GPC5: variants seen among roughly 807,000 people sequenced by gnomAD.
The protein encoded by GPC5 is glypican-5.
Under a neutral mutation model 53.9 loss-of-function variants are expected in GPC5, and 47 were observed. That is an observed-to-expected ratio of 0.87 (90% confidence interval 0.69 to 1.11). GPC5 has a LOEUF of 1.11. GPC5 is among the 50% of genes most tolerant of loss of function. The pLI is 0.00. For synonymous variants in GPC5, 286 were observed against 263.3 expected (o/e 1.09, Z -0.84); for missense variants, 748 against 713.1 (o/e 1.05, Z -0.56).
At chr13:92,572,659 A>G (rs2139042722) in intron 7 of GPC5, among the ~76,000 whole-genome samples, 1 of 152,324 alleles carries the variant, frequency 6.6e-6, no homozygotes, top group African/African-American at 2.4e-5. Context: ...ATAAAAGACA[A>G]TGAAAAAGAA....
At chr13:91,851,335 T>G (rs2038910645) in intron 5 of GPC5, among the ~76,000 whole-genome samples, 1 of 151,656 alleles carries the variant, frequency 6.6e-6, no homozygotes, top group African/African-American at 2.4e-5. Context: ...AAAAATACAC[T>G]CATATAGGGA....
intron 7 of GPC5, among the ~76,000 whole-genome samples, chr13:92,797,006 G>A (rs1327654212): frequency 6.6e-6 from 1 of 151,898 alleles, no homozygotes; most frequent in African/African-American, 2.4e-5. Context: ...AATGTGTATA[G>A]ATTCTGAGAC....
intron 6 of GPC5, among the ~76,000 whole-genome samples, chr13:92,064,894 T>A (rs2041155862): frequency 7.9e-6 from 1 of 126,412 alleles, no homozygotes; most frequent in Non-Finnish European, 1.7e-5. Context: ...AATACGTGTT[T>A]ACCACCGATT....
intron 6 of GPC5, among the ~76,000 whole-genome samples, chr13:92,027,726 A>T (rs1302108560): frequency 6.6e-6 from 1 of 152,160 alleles, no homozygotes; most frequent in Non-Finnish European, 1.5e-5. Flanking sequence ...CTCATTGCAA[A>T]GGCAGTAAAC....
rs188233475 is a variant in GPC5 at position 92,446,644 on chromosome 13, C to T, written c.1561+301655C>T. On this transcript the variant is annotated intron_variant, in intron 7 of 7. Transcript: ENST00000377067. ...CGATTTCCTTTCTTTTGCATGTATA[C>T]CTAGCAGTGGAATTGCTGGTTCATA... is the stretch of plus-strand genomic sequence containing the variant. The T allele has an allele frequency of 1.3e-4, 20 of 152,150 alleles. 1 individual carries two copies. Among genetic ancestry groups the T allele is most frequent in the Admixed American group, 9.8e-4 (15 of 15,254 alleles). 9.4% of individuals were successfully genotyped at this position (152,150 alleles called of 1,614,324 possible).
intron 1 of GPC5, among the ~76,000 whole-genome samples, chr13:91,440,944 C>T (rs1232286420): frequency 2.6e-5 from 4 of 152,212 alleles, no homozygotes; most frequent in Non-Finnish European, 5.9e-5. Flanking sequence ...CTCAGCCCCT[C>T]TCTTCCCTGG....
chr13:92,284,975 T>C (rs2042943137), intron 7 of GPC5, among the ~76,000 whole-genome samples: 1 of 152,144 alleles, frequency 6.6e-6, no homozygotes, highest in South Asian at 2.1e-4. Context: ...GATGACATGA[T>C]TGTATATCTA....
At chr13:91,451,955 TTTTA>T (rs1233548388) in intron 2 of GPC5, among the ~76,000 whole-genome samples, 1 of 151,906 alleles carries the variant, frequency 6.6e-6, no homozygotes, top group Non-Finnish European at 1.5e-5. Flanking sequence ...AAAAATCTGC[TTTTA>T]TTTATTATTT....
At chr13:92,146,529 A>T (rs2041868477) in intron 7 of GPC5, among the ~76,000 whole-genome samples, 1 of 152,088 alleles carries the variant, frequency 6.6e-6, no homozygotes, top group South Asian at 2.1e-4. Context: ...TAATTTCCTT[A>T]GGTTTTGGGG....
chr13:92,499,071 A>G (rs1427044528), intron 7 of GPC5, among the ~76,000 whole-genome samples: 3 of 152,132 alleles, frequency 2.0e-5, no homozygotes, highest in African/African-American at 7.2e-5. Context: ...GTGAAGAAAA[A>G]TAGAGAGGAT....
At chr13:91,449,285 G>T (rs1881021804) in intron 2 of GPC5, among the ~76,000 whole-genome samples, 1 of 151,992 alleles carries the variant, frequency 6.6e-6, no homozygotes, top group Non-Finnish European at 1.5e-5. Context: ...AAATCTCATT[G>T]CTTTTTACTG....
At chr13:92,308,663 T>C (rs1404172316) in intron 7 of GPC5, among the ~76,000 whole-genome samples, 4 of 152,110 alleles carry the variant, frequency 2.6e-5, no homozygotes, top group Non-Finnish European at 5.9e-5. Flanking sequence ...GGCATGGCCG[T>C]TTCATATTCA....
intron 2 of GPC5, among the ~76,000 whole-genome samples, chr13:91,563,727 A>G (rs771516072): frequency 2.0e-5 from 3 of 152,118 alleles, no homozygotes; most frequent in Non-Finnish European, 4.4e-5. Context: ...TTCTGTTGAT[A>G]ATACCAGCGA....
intron 6 of GPC5, among the ~76,000 whole-genome samples, chr13:91,913,690 G>A (rs971330700): frequency 2.0e-5 from 3 of 152,146 alleles, no homozygotes; most frequent in Admixed American, 2.0e-4. Flanking sequence ...GGGGAGTCAT[G>A]CACCTCCCTT....
intron 7 of GPC5, among the ~76,000 whole-genome samples, chr13:92,222,214 G>A (rs1482283980): frequency 6.6e-6 from 1 of 152,158 alleles, no homozygotes; most frequent in East Asian, 1.9e-4. Flanking sequence ...AGCACAGGAG[G>A]ACCAGACTAT....
At chr13:91,645,772 C>CA (rs948570322) in intron 2 of GPC5, among the ~76,000 whole-genome samples, 5 of 152,128 alleles carry the variant, frequency 3.3e-5, no homozygotes, top group African/African-American at 1.2e-4. Flanking sequence ...CTTTAGCATA[C>CA]AAAAAAATCA....
chr13:91,617,401 G>A (rs2033726824), intron 2 of GPC5, among the ~76,000 whole-genome samples: 1 of 152,102 alleles, frequency 6.6e-6, no homozygotes, highest in Non-Finnish European at 1.5e-5. Flanking sequence ...AGGATGTTAA[G>A]GGAGAAAAAC....
intron 7 of GPC5, among the ~76,000 whole-genome samples, chr13:92,744,251 T>A (rs889870215): frequency 6.6e-5 from 10 of 151,758 alleles, no homozygotes. Flanking sequence ...AATATGTACA[T>A]AGAGCTGAAA....
chr13:92,794,377 C>A (rs184436138), intron 7 of GPC5, among the ~76,000 whole-genome samples: 2 of 152,036 alleles, frequency 1.3e-5, no homozygotes, highest in Non-Finnish European at 2.9e-5. Flanking sequence ...ATTGATGGGA[C>A]GCATCTCAAA....
Sources: gnomAD v4.1 joint callset for allele counts (sites outside exome capture counted in the v4.1 genomes callset) on GRCh38, gnomAD v4.1.1 for gene constraint, MANE v1.5 for transcripts, NCBI Gene and HGNC (gene_info 2026-07-23, HGNC 2026-07-21) for gene names.